The following SMYD5 variants were observed in gnomAD, a reference collection of about 807,000 sequenced individuals.
SMYD5 encodes SMYD family member 5.
SMYD5 carries 35 observed loss-of-function variants against 57.4 expected under a neutral mutation model. The ratio of observed to expected loss-of-function variants is 0.61; its 90% CI spans 0.47 to 0.81. SMYD5 has a LOEUF of 0.81. SMYD5 is among the 30% of genes least tolerant of loss of function. SMYD5 has a pLI of 0.00. For synonymous variants in SMYD5, 198 were observed against 189.7 expected (o/e 1.04, Z -0.36); for missense variants, 471 against 527.9 (o/e 0.89, Z 1.06).
chr2:73,217,325 G>A (rs1686309449), intron 1 of SMYD5, among the ~76,000 whole-genome samples: 1 of 152,090 alleles, frequency 6.6e-6, no homozygotes, highest in East Asian at 1.9e-4. Context: ...CTTTATAAAG[G>A]AACAACTCTG....
Position 73,223,030 on chromosome 2 carries a change from C to A in SMYD5, c.706-6C>A. The A allele has an allele frequency of 6.2e-7, 1 of 1,613,442 alleles. No individual in the cohort carries two copies. The highest frequency in any genetic ancestry group is 8.5e-7 in the Non-Finnish European group (1 of 1,179,446). On this transcript the variant is annotated splice_region_variant and splice_polypyrimidine_tract_variant and intron_variant, in intron 7 of 12. Coordinates refer to ENST00000389501, the MANE Select transcript of SMYD5 (RefSeq NM_006062.3). ...ATGAGCACTCATCTCTTTTTTCCCC[C>A]CACAGTGGTTCACTCCAGATGGATT...
rs1322268732 is a variant in SMYD5, at chr2:73,218,843, A to G, written c.97-18A>G. ...TTCTGTTCCTTTTTATGGCCATCCT[A>G]TCCCTCTGCCCTCTCAGGGAAAGGG... On this transcript the variant is annotated intron_variant, in intron 1 of 12. Coordinates refer to ENST00000389501, the MANE Select transcript of SMYD5 (RefSeq NM_006062.3). 2 of 1,587,188 alleles carry G rather than the reference A, an allele frequency of 1.3e-6. No individual in the cohort carries two copies. The highest frequency in any genetic ancestry group is 3.3e-5 in the Admixed American group (2 of 59,972).
chr2:73,216,289 T>C (rs1485443319), intron 1 of SMYD5, among the ~76,000 whole-genome samples: 1 of 152,202 alleles, frequency 6.6e-6, no homozygotes, highest in African/African-American at 2.4e-5. Context: ...GCATGGTGGC[T>C]CATTCCTTTA....
Position 73,225,928 on chromosome 2 carries a change from T to C in SMYD5, c.1239T>C (p.Asp413=), listed in dbSNP as rs748391189. The change falls in exon 13 of 13, where the codon GAT becomes GAC. Residue 413 remains aspartate, a synonymous_variant. Coordinates refer to ENST00000389501, the MANE Select transcript of SMYD5 (RefSeq NM_006062.3). ...EGEPEDAELG[D]EMTDV The stretch of plus-strand genomic sequence containing the variant: ...AGCCAGAAGATGCAGAGCTGGGGGA[T>C]GAGATGACTGATGTGTGATGTTGCC... The C allele has an allele frequency of 1.2e-6, 2 of 1,613,212 alleles. No homozygotes were observed. Among genetic ancestry groups the C allele is most frequent in the Non-Finnish European group, 1.7e-6 (2 of 1,179,320 alleles).
chr2:73,222,789 A>G lies in SMYD5; in HGVS notation c.677A>G (p.Glu226Gly). The change falls in exon 7 of 13, where the codon GAG (glutamate) becomes GGG (glycine). Residue 226 changes from glutamate to glycine, a missense_variant. Coordinates refer to ENST00000389501, the MANE Select transcript of SMYD5 (RefSeq NM_006062.3). ...QLELLRRLFT[E>G]ALYEEAVSQW... Reference sequence around the variant, plus strand: ...GAACTTCTGCGGAGACTCTTCACAGAGGCCCTCTATGAGGAAGCAGTCAGC... The same window carrying G: ...GAACTTCTGCGGAGACTCTTCACAGGGGCCCTCTATGAGGAAGCAGTCAGC... The G allele has an allele frequency of 6.2e-7, 1 of 1,613,822 alleles. No individual in the cohort carries two copies. The highest frequency in any genetic ancestry group is 8.5e-7 in the Non-Finnish European group (1 of 1,179,852).
rs766753741 is a variant in SMYD5, at chr2:73,225,899, G to A, written c.1210G>A (p.Gly404Arg). The A allele has an allele frequency of 4.3e-6, 7 of 1,614,134 alleles. No individual in the cohort carries two copies. The South Asian group carries it at 5.5e-5, about 13-fold the overall frequency. ...AGAGGAAGAGGAGGAGGAGGAGGAA[G>A]GAGAGCCAGAAGATGCAGAGCTGGG... ...EEEEEEEEEE[G>R]EPEDAELGDE... The change falls in exon 13 of 13, where the codon GGA (glycine) becomes AGA (arginine). Residue 404 changes from glycine (G) to arginine (R), a missense_variant. Coordinates refer to ENST00000389501, the MANE Select transcript of SMYD5 (RefSeq NM_006062.3).
rs1431400020 is a variant in SMYD5, at chr2:73,220,877, T to TC, written c.467+99dup. 1.2e-5 allele frequency: 17 copies of TC among 1,430,812 alleles called. No individual in the cohort carries two copies. The South Asian group carries it at 2.0e-4, about 17-fold the overall frequency. 88.6% of individuals were successfully genotyped at this position (1,430,812 alleles called of 1,614,324 possible). A position where few individuals can be genotyped will look rare whatever the true frequency, so the allele number is the denominator to read the frequency against. ...GTTGCCGTCTTTCTTAAGTTCCAATTCCCCGGATTTTTCTTCCTTTCTTAG... is the reference window on the plus strand; with the variant it reads ...GTTGCCGTCTTTCTTAAGTTCCAATTCCCCCGGATTTTTCTTCCTTTCTTAG... On this transcript the variant is annotated intron_variant, in intron 4 of 12. Transcript: ENST00000389501.
At chr2:73,214,440 G>A (rs1323367137) in intron 1 of SMYD5, 78 bp downstream of exon 1, 1 of 1,604,234 alleles carries the variant, frequency 6.2e-7, no homozygotes, top group East Asian at 2.2e-5. Flanking sequence ...TCCATGCCCG[G>A]AGCCCAGAGG....
chr2:73,214,482 C>T, intron 1 of SMYD5, 120 bp downstream of exon 1: 6 of 1,524,258 alleles, frequency 3.9e-6, no homozygotes, highest in South Asian at 1.3e-5. Flanking sequence ...ACGGCCCTGC[C>T]CCTGCTCGCG....
chr2:73,224,980 G>T lies in SMYD5; in HGVS notation c.1035+20G>T. ...GGAGAGGTGAGGGGGACCAGGAACC[G>T]TCGGGATGGGTGGGCAGTAGGCCTT... On this transcript the variant is annotated intron_variant, in intron 11 of 12. Transcript: ENST00000389501. 6.3e-7 allele frequency: 1 copy of T among 1,587,800 alleles called. No individual in the cohort carries two copies. The highest frequency in any genetic ancestry group is 8.6e-7 in the Non-Finnish European group (1 of 1,157,236).
chr2:73,223,319 G>C (rs1686432814), intron 8 of SMYD5, 107 bp from the exon 9 acceptor site: 4 of 851,618 alleles, frequency 4.7e-6, no homozygotes, highest in Non-Finnish European at 7.9e-6. Context: ...AATGAAGTGG[G>C]GTGGGGATGG....
At position 73,223,096 on chromosome 2, in the gene SMYD5, A is replaced by G; in HGVS notation, c.766A>G (p.Ile256Val). The G allele has an allele frequency of 1.2e-6, 2 of 1,613,874 alleles. No homozygotes were observed. Among genetic ancestry groups the G allele is most frequent in the Non-Finnish European group, 1.7e-6 (2 of 1,179,726 alleles). ...FALVGTNGQG[I>V]GTSSLSQWVH... Reference sequence around the variant, plus strand: ...TCTTGTTGGGACCAATGGCCAAGGAATCGGGACCAGGTTAGAATGTTCCAG... The same window carrying G: ...TCTTGTTGGGACCAATGGCCAAGGAGTCGGGACCAGGTTAGAATGTTCCAG... The change falls in exon 8 of 13, where the codon ATC (isoleucine) becomes GTC (valine). Residue 256 changes from isoleucine to valine, a missense_variant. Coordinates refer to ENST00000389501, the MANE Select transcript of SMYD5 (RefSeq NM_006062.3).
intron 7 of SMYD5, 43 bp downstream of exon 7, chr2:73,222,860 C>T (rs774050452): frequency 6.3e-7 from 1 of 1,587,568 alleles, no homozygotes; most frequent in Non-Finnish European, 8.6e-7. Context: ...CTTGTTACTC[C>T]AGCTCTCCAG....
chr2:73,221,005 C>A (rs1303125165), intron 4 of SMYD5, among the ~76,000 whole-genome samples, 160 bp from the exon 5 acceptor site: 2 of 152,200 alleles, frequency 1.3e-5, no homozygotes, highest in Admixed American at 6.5e-5. Context: ...CCCCATTAAG[C>A]CAATAGGGAT....
In SMYD5 at chr2:73,222,806, G is replaced by A. The variant is rs748398772; in HGVS notation, c.694G>A (p.Ala232Thr). Residue 232 changes from alanine to threonine, a missense_variant, in exon 7 of 13, where the codon GCA becomes ACA. Ala to Thr is a moderately conservative substitution (Grantham distance 58). Transcript: ENST00000389501. The stretch of plus-strand genomic sequence containing the variant: ...CTTCACAGAGGCCCTCTATGAGGAA[G>A]CAGTCAGCCAGGTGAGTGAGGAGAG... ...RLFTEALYEE[A>T]VSQWFTPDGF... 1.1e-5 allele frequency: 17 copies of A among 1,613,964 alleles called. 1 individual carries two copies. In the South Asian group the frequency reaches 1.8e-4, roughly 17 times the overall value.
chr2:73,225,575 TC>T, intron 11 of SMYD5, 55 bp from the exon 12 acceptor site: 2 of 1,513,676 alleles, frequency 1.3e-6, no homozygotes, highest in Non-Finnish European at 1.8e-6. Flanking sequence ...GTTGGGGAGG[TC>T]CTTATGCCAT....
chr2:73,222,917 G>T, intron 7 of SMYD5, 100 bp downstream of exon 7: 2 of 1,498,052 alleles, frequency 1.3e-6, no homozygotes, highest in Admixed American at 1.7e-5. Context: ...AGCCAAAGCC[G>T]ACTTGGTCTT....
intron 1 of SMYD5, among the ~76,000 whole-genome samples, chr2:73,218,112 T>C (rs1190184675): frequency 6.6e-6 from 1 of 152,152 alleles, no homozygotes; most frequent in East Asian, 1.9e-4. Flanking sequence ...TGTACCCTCA[T>C]TGAGTAGGAA....
chr2:73,226,397 A>T lies in SMYD5; in HGVS notation c.*451A>T, dbSNP rs1574343304. ...AGATGGGAGGTGGTGAGGCGTCCTC[A>T]CCTCCCCCCACCACAGCTGTGGCTG... On this transcript the variant is annotated 3_prime_UTR_variant, in exon 13 of 13. Transcript: ENST00000389501. The T allele has an allele frequency of 6.4e-6, 1 of 156,486 alleles. No homozygotes were observed. The highest frequency in any genetic ancestry group is 1.4e-5 in the Non-Finnish European group (1 of 70,618). The allele number at this position is 156,486 out of a possible 1,614,324, so 9.7% of individuals were successfully genotyped here.
Sources: allele counts gnomAD v4.1 joint callset (sites outside exome capture counted in the v4.1 genomes callset), GRCh38; gene constraint gnomAD v4.1.1; transcripts MANE v1.5; gene names NCBI Gene and HGNC (gene_info 2026-07-23, HGNC 2026-07-21).